Variants in TRDN observed in about 807,000 individuals in gnomAD.
TRDN encodes triadin in skeletal muscle.
In TRDN, 161 loss-of-function variants were observed where a neutral mutation model predicts 149.7. The ratio of observed to expected loss-of-function variants is 1.08; its 90% CI spans 0.95 to 1.23. The LOEUF (loss-of-function observed/expected upper bound fraction) is 1.23. Ranked by LOEUF, TRDN falls within the 50% of genes most tolerant of loss-of-function variation. TRDN has a pLI of 0.00. For synonymous variants in TRDN, 294 were observed against 250.5 expected, an observed-to-expected ratio of 1.17 and a Z score of -1.64; for missense variants, 896 against 823.5, an observed-to-expected ratio of 1.09 and a Z score of -1.08.
intron 16 of TRDN, 59 bp downstream of exon 16, chr6:123,381,311 C>A (rs1582944573): frequency 1.4e-6 from 2 of 1,470,114 alleles, no homozygotes; most frequent in Middle Eastern, 1.7e-4. Flanking sequence ...AATACAGCAG[C>A]AGGCAAATAA....
chr6:123,494,540 T>A (rs1583141874), intron 9 of TRDN, among the ~76,000 whole-genome samples: 1 of 152,174 alleles, frequency 6.6e-6, no homozygotes, highest in Admixed American at 6.5e-5. Context: ...AGTAAAGAAA[T>A]TTTAAAACTA....
At chr6:123,283,160 G>A (rs1777642381) in intron 24 of TRDN, among the ~76,000 whole-genome samples, 1 of 151,734 alleles carries the variant, frequency 6.6e-6, no homozygotes, top group Non-Finnish European at 1.5e-5. Flanking sequence ...AATTCTAAAA[G>A]GAACCTTCAA....
chr6:123,314,189 T>C (rs953070630), intron 24 of TRDN, among the ~76,000 whole-genome samples: 1 of 151,432 alleles, frequency 6.6e-6, no homozygotes, highest in African/African-American at 2.4e-5. Context: ...GTGGGCAAAA[T>C]ACATGAACAG....
intron 10 of TRDN, among the ~76,000 whole-genome samples, chr6:123,446,823 G>T (rs185903232): frequency 6.6e-6 from 1 of 152,258 alleles, no homozygotes; most frequent in Admixed American, 6.5e-5. Flanking sequence ...GCTGTTGCTA[G>T]GTGGTCAAGT....
intron 1 of TRDN, among the ~76,000 whole-genome samples, chr6:123,619,233 G>T (rs1785255085): frequency 6.6e-6 from 1 of 152,134 alleles, no homozygotes; most frequent in Admixed American, 6.5e-5. Flanking sequence ...CATTTATTTT[G>T]CCCAGAAATT....
intron 29 of TRDN, among the ~76,000 whole-genome samples, chr6:123,271,501 A>G (rs1777205864): frequency 6.6e-6 from 1 of 152,046 alleles, no homozygotes; most frequent in Non-Finnish European, 1.5e-5. Context: ...GTACTGCTTT[A>G]TAAAATATAT....
chr6:123,415,642 A>G (rs999025648), intron 12 of TRDN, among the ~76,000 whole-genome samples: 2 of 152,234 alleles, frequency 1.3e-5, no homozygotes, highest in African/African-American at 4.8e-5. Flanking sequence ...ATCACAATAA[A>G]AAGAAAATGA....
At chr6:123,506,712 C>A (rs1778941063) in intron 7 of TRDN, among the ~76,000 whole-genome samples, 1 of 152,084 alleles carries the variant, frequency 6.6e-6, no homozygotes, top group African/African-American at 2.4e-5. Flanking sequence ...TGGTCTTGAA[C>A]TCCTGACCTC....
intron 1 of TRDN, among the ~76,000 whole-genome samples, chr6:123,580,237 G>A (rs139553024): frequency 6.6e-6 from 1 of 151,958 alleles, no homozygotes; most frequent in African/African-American, 2.4e-5. Flanking sequence ...AATTTAGCAG[G>A]TCCTCACCAT....
intron 5 of TRDN, among the ~76,000 whole-genome samples, chr6:123,518,157 A>G (rs1338671471): frequency 6.6e-6 from 1 of 152,202 alleles, no homozygotes; most frequent in African/African-American, 2.4e-5. Context: ...TTCTCAAATA[A>G]TCAAAACCTA....
At chr6:123,562,606 T>G (rs181683285) in intron 2 of TRDN, among the ~76,000 whole-genome samples, 71 of 152,290 alleles carry the variant, frequency 4.7e-4, no homozygotes, top group Admixed American at 1.3e-3. Flanking sequence ...GCTATCCAGT[T>G]TATGGTATTT....
chr6:123,416,947 C>T (rs1582993000), intron 12 of TRDN, among the ~76,000 whole-genome samples: 1 of 152,176 alleles, frequency 6.6e-6, no homozygotes, highest in African/African-American at 2.4e-5. Flanking sequence ...AGGTGATCCA[C>T]CTGCCTCCGT....
rs1309429136 is a variant in TRDN at position 123,445,572 on chromosome 6, A to G, written c.932-6569T>C. ...CAAACAACCCCATCAAAAAGTGGGCAAAGGACATGAACAGACACTTCTCAA... is the reference window on the plus strand; with the variant it reads ...CAAACAACCCCATCAAAAAGTGGGCGAAGGACATGAACAGACACTTCTCAA... On this transcript the variant is annotated intron_variant, in intron 10 of 40. Transcript: ENST00000334268. 1.3e-4 allele frequency among the ~76,000 whole-genome samples: 11 copies of G among 86,578 alleles called. 1 individual carries two copies. Among genetic ancestry groups the G allele is most frequent in the Admixed American group, 1.2e-3 (9 of 7,658 alleles). 56.8% of individuals were successfully genotyped at this position (86,578 alleles called of 152,430 possible). A position where few individuals can be genotyped will look rare whatever the true frequency, so the allele number is the denominator to read the frequency against.
intron 24 of TRDN, among the ~76,000 whole-genome samples, chr6:123,313,512 C>T (rs1246230215): frequency 6.6e-6 from 1 of 151,846 alleles, no homozygotes; most frequent in Non-Finnish European, 1.5e-5. Context: ...AGTCTGGCCT[C>T]CTTTCCATAG....
At chr6:123,445,162 G>C (rs1775236327) in intron 10 of TRDN, 1 of 151,494 alleles carries the variant, frequency 6.6e-6, no homozygotes, top group Non-Finnish European at 1.5e-5. Context: ...GACTCTTTTT[G>C]GTTGGTAAGC....
chr6:123,502,038 C>T (rs1481728828), intron 8 of TRDN: 2 of 984,036 alleles, frequency 2.0e-6, no homozygotes, highest in Non-Finnish European at 1.2e-6. Context: ...TTTGACATTT[C>T]CAAATATAAC....
chr6:123,306,065 A>G (rs1778598068), intron 24 of TRDN, among the ~76,000 whole-genome samples: 1 of 152,102 alleles, frequency 6.6e-6, no homozygotes, highest in South Asian at 2.1e-4. Context: ...GGTTTTTTGT[A>G]TGATAATTTT....
In TRDN at chr6:123,503,843, T is replaced by C. The variant is rs750129263; in HGVS notation, c.669A>G (p.Lys223=). The stretch of plus-strand genomic sequence containing the variant: ...GCTTCACTTTCTCCTGTTTTCCACC[T>C]TTCACTTCCTTTTTAGTCTTTTCTT... ...KSEEKTKKEV[K]GGKQEKVKQT... The change falls in exon 8 of 41, where the codon AAA becomes AAG. Residue 223 remains lysine, a synonymous_variant. Coordinates refer to ENST00000334268, the MANE Select transcript of TRDN (RefSeq NM_006073.4). 5.0e-6 allele frequency: 8 copies of C among 1,598,338 alleles called. No homozygotes were observed. Among genetic ancestry groups the C allele is most frequent in the Non-Finnish European group, 6.0e-6 (7 of 1,171,100 alleles).
chr6:123,345,275 T>G (rs547604368), intron 21 of TRDN, among the ~76,000 whole-genome samples: 1 of 151,998 alleles, frequency 6.6e-6, no homozygotes, highest in South Asian at 2.1e-4. Flanking sequence ...TTTTTGTTTA[T>G]GGATGTCCAG....
Sources: allele counts gnomAD v4.1 joint callset (sites outside exome capture counted in the v4.1 genomes callset), GRCh38; gene constraint gnomAD v4.1.1; transcripts MANE v1.5; gene names NCBI Gene and HGNC (gene_info 2026-07-23, HGNC 2026-07-21).